The following PIK3R3 variants were observed in gnomAD, a reference collection of about 807,000 sequenced individuals.
The protein encoded by PIK3R3 is phosphoinositide-3-kinase regulatory subunit 3, also known as phosphatidylinositol 3-kinase regulatory subunit gamma.
In PIK3R3, 64 loss-of-function variants were observed where a neutral mutation model predicts 62.9. The ratio of observed to expected loss-of-function variants is 1.02; its 90% CI spans 0.83 to 1.25. The LOEUF is 1.25. PIK3R3 is among the 50% of genes most tolerant of loss of function. The pLI, the probability that PIK3R3 is intolerant of heterozygous loss-of-function variation, is 0.00. For synonymous variants in PIK3R3, 165 were observed against 189.0 expected, an observed-to-expected ratio of 0.87 and a Z score of 1.04; for missense variants, 614 against 561.6, an observed-to-expected ratio of 1.09 and a Z score of -0.94.
At chr1:46,132,879 A>G (rs1655752972), upstream of PIK3R3, 3 of 1,192,092 alleles carry the variant, frequency 2.5e-6, no homozygotes, top group Admixed American at 3.5e-5. Flanking sequence ...CGGCTCCCCA[A>G]TCAGCCATCC....
the PIK3R3 span, among the ~76,000 whole-genome samples, chr1:46,163,891 G>T: frequency 6.6e-6 from 1 of 152,200 alleles, no homozygotes; most frequent in African/African-American, 2.4e-5. Flanking sequence ...TTTGGGAACA[G>T]TCTGACAACC....
At chr1:46,148,509 C>T in the PIK3R3 span, among the ~76,000 whole-genome samples, 3 of 152,254 alleles carry the variant, frequency 2.0e-5, no homozygotes, top group East Asian at 5.8e-4. Flanking sequence ...TCTCATCAGC[C>T]TAGCTTGGAT....
At chr1:46,105,061 T>C (rs1463921178) in intron 1 of PIK3R3, 1 of 748,460 alleles carries the variant, frequency 1.3e-6, no homozygotes, top group Non-Finnish European at 2.5e-6. Flanking sequence ...CTGTATTAGC[T>C]AGTGGAGCCA....
At position 46,085,313 on chromosome 1, in the gene PIK3R3, G is replaced by C. The variant is rs190444644; in HGVS notation, c.107-4563C>G. Among the ~76,000 whole-genome samples, 11 of 152,254 alleles carry C rather than the reference G, an allele frequency of 7.2e-5. No homozygotes were observed. In the East Asian group the frequency reaches 2.1e-3, roughly 29 times the overall value. On this transcript the variant is annotated intron_variant, in intron 1 of 9. Transcript: ENST00000262741. ...TGTATTGAACACCTCCCATGTTCCA[G>C]AAGCTGTGAACATAACAATGAACTA...
intron 3 of PIK3R3, among the ~76,000 whole-genome samples, chr1:46,075,404 A>G (rs1649974897): frequency 6.6e-6 from 1 of 152,160 alleles, no homozygotes; most frequent in Non-Finnish European, 1.5e-5. Flanking sequence ...GCTTGAGCCC[A>G]GGAGTTTTGA....
chr1:46,061,928 C>T lies in PIK3R3; in HGVS notation c.764+1G>A, dbSNP rs1383730578. Reference sequence around the variant, plus strand: ...CCCTTGGAGGTACTAAGTAGACTTACCGTTCAATCTCCTTTTCATTCCCCT... The same window carrying T: ...CCCTTGGAGGTACTAAGTAGACTTATCGTTCAATCTCCTTTTCATTCCCCT... On this transcript the variant is annotated splice_donor_variant, in intron 6 of 9. Coordinates refer to ENST00000262741, the MANE Select transcript of PIK3R3 (RefSeq NM_003629.4). LOFTEE classifies it high-confidence loss of function. The T allele has an allele frequency of 6.2e-7, 1 of 1,611,770 alleles. No homozygotes were observed. The highest frequency in any genetic ancestry group is 1.7e-5 in the Admixed American group (1 of 59,946).
At chr1:46,135,057 C>T (rs1324875188), upstream of PIK3R3, among the ~76,000 whole-genome samples, 1 of 152,162 alleles carries the variant, frequency 6.6e-6, no homozygotes, top group African/African-American at 2.4e-5. Flanking sequence ...TTTCTTAGTC[C>T]TTGAGCTTAA....
intron 3 of PIK3R3, among the ~76,000 whole-genome samples, chr1:46,071,584 C>G (rs1649486822): frequency 6.7e-6 from 1 of 149,924 alleles, no homozygotes; most frequent in African/African-American, 2.5e-5. Flanking sequence ...TAATCCCAGA[C>G]TCAGGAGGCT....
chr1:46,133,059 T>C (rs894138914), upstream of PIK3R3: 5 of 1,016,294 alleles, frequency 4.9e-6, no homozygotes, highest in Non-Finnish European at 4.7e-6. Flanking sequence ...AGCCTGCGTC[T>C]TTTGTCTGCC....
chr1:46,171,509 G>A, the PIK3R3 span, among the ~76,000 whole-genome samples: 3 of 152,184 alleles, frequency 2.0e-5, no homozygotes, highest in Admixed American at 6.5e-5. Context: ...AACAGAGGCC[G>A]GAAGTGGGGG....
In PIK3R3 at chr1:46,040,876, C is replaced by G. The variant is rs779837115; in HGVS notation, c.*2797G>C. Reference sequence around the variant, plus strand: ...AGTGGTAAGGACGCAGGCAGTCTATCCAGGCCCGAATCATGGCGTGCCATC... The same window carrying G: ...AGTGGTAAGGACGCAGGCAGTCTATGCAGGCCCGAATCATGGCGTGCCATC... On this transcript the variant is annotated 3_prime_UTR_variant, in exon 10 of 10. Coordinates refer to ENST00000262741, the MANE Select transcript of PIK3R3 (RefSeq NM_003629.4). 6 of 179,252 alleles carry G rather than the reference C, an allele frequency of 3.3e-5. No individual in the cohort carries two copies. Among genetic ancestry groups the G allele is most frequent in the Admixed American group, 6.3e-5 (1 of 15,860 alleles). The allele number at this position is 179,252 out of a possible 1,614,324, so 11.1% of individuals were successfully genotyped here. A position where few individuals can be genotyped will look rare whatever the true frequency, so the allele number is the denominator to read the frequency against.
At chr1:46,126,168 T>C (rs1655078353) in intron 1 of PIK3R3, among the ~76,000 whole-genome samples, 1 of 152,174 alleles carries the variant, frequency 6.6e-6, no homozygotes, top group Non-Finnish European at 1.5e-5. Context: ...CTTATAACTG[T>C]ACAGGGGTGT....
intron 8 of PIK3R3, 23 bp from the exon 9 acceptor site, chr1:46,046,111 T>A: frequency 7.3e-7 from 1 of 1,375,162 alleles, no homozygotes; most frequent in Non-Finnish European, 1.0e-6. Flanking sequence ...TATTAGTATA[T>A]TATTCTAACA....
At chr1:46,125,518 A>G (rs1655015153) in intron 1 of PIK3R3, among the ~76,000 whole-genome samples, 2 of 152,172 alleles carry the variant, frequency 1.3e-5, no homozygotes, top group Non-Finnish European at 2.9e-5. Context: ...TATTTATTCT[A>G]TGTAGCTCTC....
chr1:46,122,102 T>TA lies in PIK3R3; in HGVS notation c.106+9744dup, dbSNP rs1434680106. Among the ~76,000 whole-genome samples the TA allele has an allele frequency of 7.3e-5, 11 of 151,644 alleles. No homozygotes were observed. In the East Asian group the frequency reaches 7.8e-4, roughly 11 times the overall value. On this transcript the variant is annotated intron_variant, in intron 1 of 9. Coordinates refer to ENST00000262741, the MANE Select transcript of PIK3R3 (RefSeq NM_003629.4). The stretch of plus-strand genomic sequence containing the variant: ...AAAAATAAAATAAAATAAAATAAAA[T>TA]AAATAAATAAAAGAAAAAGAAAACA...
At chr1:46,103,348 C>T (rs1180249631) in intron 1 of PIK3R3, among the ~76,000 whole-genome samples, 1 of 152,060 alleles carries the variant, frequency 6.6e-6, no homozygotes, top group Non-Finnish European at 1.5e-5. Flanking sequence ...TGAAGGCAGA[C>T]TGCCTGAGCT....
chr1:46,171,542 G>T, the PIK3R3 span, among the ~76,000 whole-genome samples: 2 of 152,132 alleles, frequency 1.3e-5, no homozygotes, highest in African/African-American at 4.8e-5. Context: ...CACTGGTAAG[G>T]GTGGGGTGAC....
chr1:46,073,786 ATTT>A (rs35378730), intron 3 of PIK3R3, among the ~76,000 whole-genome samples: 5 of 123,628 alleles, frequency 4.0e-5, no homozygotes, highest in Non-Finnish European at 3.4e-5. Flanking sequence ...CATTCAGTTA[ATTT>A]TTTTTTTTTT....
intron 7 of PIK3R3, chr1:46,048,134 T>G (rs558749652): frequency 6.6e-6 from 1 of 152,378 alleles, no homozygotes; most frequent in South Asian, 2.1e-4. Context: ...TGTAAGCTGC[T>G]GTAATGAAAG....
Sources: gnomAD v4.1 joint callset for allele counts (sites outside exome capture counted in the v4.1 genomes callset) on GRCh38, gnomAD v4.1.1 for gene constraint, MANE v1.5 for transcripts, NCBI Gene and HGNC (gene_info 2026-07-23, HGNC 2026-07-21) for gene names.